Variants in NECAB2 observed in about 807,000 individuals in gnomAD.
NECAB2 encodes the protein N-terminal EF-hand calcium binding protein 2, also known as N-terminal EF-hand calcium-binding protein 2.
NECAB2 carries 68 observed loss-of-function variants against 51.9 expected under a neutral mutation model. That is an observed-to-expected ratio of 1.31 (90% CI 1.08 to 1.60). The LOEUF is 1.60. Among genes scored for constraint, NECAB2 ranks in the 40% most tolerant of loss-of-function variants. The pLI is 0.00. For missense variants in NECAB2, 854 were observed against 490.3 expected, an observed-to-expected ratio of 1.74 and a Z score of -7.00; for synonymous variants, 329 against 203.5, an observed-to-expected ratio of 1.62 and a Z score of -5.25.
intron 5 of NECAB2, among the ~76,000 whole-genome samples, chr16:83,986,076 G>C (rs1162613845): frequency 6.6e-6 from 1 of 152,124 alleles, no homozygotes; most frequent in African/African-American, 2.4e-5. Flanking sequence ...GAGTACAATG[G>C]AGTGATCTCA....
At chr16:83,976,321 C>T (rs1166953341) in intron 2 of NECAB2, among the ~76,000 whole-genome samples, 4 of 152,222 alleles carry the variant, frequency 2.6e-5, no homozygotes, top group African/African-American at 9.6e-5. Context: ...AGCTGTAGGA[C>T]CTAGGCAAGT....
At chr16:83,993,231 C>T (rs1044769773) in intron 6 of NECAB2, among the ~76,000 whole-genome samples, 3 of 152,280 alleles carry the variant, frequency 2.0e-5, no homozygotes, top group Admixed American at 6.5e-5. Flanking sequence ...CCCCACCACC[C>T]GGGAGCCCTG....
chr16:83,999,592 C>G (rs1346046520), intron 10 of NECAB2, among the ~76,000 whole-genome samples: 1 of 152,114 alleles, frequency 6.6e-6, no homozygotes, highest in Admixed American at 6.5e-5. Context: ...CAGCTTTTGG[C>G]CCCCGCTTTA....
At chr16:84,000,396 T>C (rs2084805568) in intron 10 of NECAB2, among the ~76,000 whole-genome samples, 1 of 151,848 alleles carries the variant, frequency 6.6e-6, no homozygotes, top group Non-Finnish European at 1.5e-5. Flanking sequence ...GGCCGAGTGG[T>C]GCACTCCTCT....
In NECAB2 at chr16:83,968,808, G is replaced by C. The variant is rs1236055290; in HGVS notation, c.160G>C (p.Gly54Arg). The stretch of plus-strand genomic sequence containing the variant: ...GGCCCCCGCCGCCCCCGCGGACCCC[G>C]GCCCAGCCTCGCCGCGCGGGGGCAC... ...SLAPAAPADP[G>R]PASPRGGTAV... Residue 54 changes from glycine (G) to arginine (R), a missense_variant, in exon 1 of 13, where the codon GGC becomes CGC. Physicochemically the swap from Gly to Arg is moderately radical, Grantham distance 125. Transcript: ENST00000305202. The C allele has an allele frequency of 2.7e-6, 3 of 1,120,468 alleles. No homozygotes were observed. The highest frequency in any genetic ancestry group is 3.3e-6 in the Non-Finnish European group (3 of 918,048). The allele number at this position is 1,120,468 out of a possible 1,614,324, so 69.4% of individuals were successfully genotyped here.
intron 9 of NECAB2, 97 bp downstream of exon 9, chr16:83,997,366 C>A: frequency 6.7e-7 from 1 of 1,482,622 alleles, no homozygotes. Context: ...CCCGCTCTCC[C>A]TGCTTGGGAC....
At chr16:83,968,925 C>A (rs1277136159) in intron 1 of NECAB2, 76 bp downstream of exon 1, 1 of 937,148 alleles carries the variant, frequency 1.1e-6, no homozygotes, top group Non-Finnish European at 1.3e-6. Flanking sequence ...TCGGGCGGAC[C>A]CCGACGCCGC....
At chr16:83,972,845 G>T (rs1258967076) in intron 2 of NECAB2, among the ~76,000 whole-genome samples, 2 of 152,200 alleles carry the variant, frequency 1.3e-5, no homozygotes, top group Admixed American at 1.3e-4. Context: ...CAGGCCTTGA[G>T]AGAATAAGCA....
At chr16:83,978,637 C>G in intron 3 of NECAB2, 85 bp downstream of exon 3, 5 of 1,181,852 alleles carry the variant, frequency 4.2e-6, no homozygotes, top group Non-Finnish European at 6.2e-6. Flanking sequence ...GTTCCTAGTC[C>G]CCTGTAAGGG....
At chr16:84,001,797 CTG>C (rs2084841811) in intron 11 of NECAB2, 26 bp from the exon 12 acceptor site, 1 of 1,612,780 alleles carries the variant, frequency 6.2e-7, no homozygotes, top group African/African-American at 1.3e-5. Flanking sequence ...CCTGCCACCC[CTG>C]ACTCACACAT....
At chr16:83,984,968 C>A (rs1326426609) in intron 5 of NECAB2, among the ~76,000 whole-genome samples, 2 of 152,050 alleles carry the variant, frequency 1.3e-5, no homozygotes, top group Admixed American at 1.3e-4. Context: ...TGTTCTTTTT[C>A]ATATGTGAAA....
At chr16:83,998,098 G>T in intron 9 of NECAB2, 107 bp from the exon 10 acceptor site, 1 of 945,210 alleles carries the variant, frequency 1.1e-6, no homozygotes. Flanking sequence ...AAGTGGGGGA[G>T]GGTTATTTTA....
intron 10 of NECAB2, among the ~76,000 whole-genome samples, chr16:83,998,751 A>G (rs1228422588): frequency 1.3e-5 from 2 of 152,182 alleles, no homozygotes; most frequent in East Asian, 1.9e-4. Flanking sequence ...CTGAGGAAGG[A>G]GAGGAGAGTC....
chr16:84,000,729 C>G lies in NECAB2; in HGVS notation c.968C>G (p.Thr323Ser), dbSNP rs774648004. The G allele has an allele frequency of 3.7e-6, 6 of 1,613,754 alleles. No homozygotes were observed. The highest frequency in any genetic ancestry group is 3.3e-5 in the Admixed American group (2 of 59,988). ...CCGACCATCTCCTGTTGCAGCATCA[C>G]TGCCGTGAGGCTCTCAGATGGCTTC... ...TTGVRNCFHI[T>S]AVRLSDGFTF... The change falls in exon 11 of 13, where the codon ACT (threonine) becomes AGT (serine). Residue 323 changes from threonine (T) to serine (S), a missense_variant. Coordinates refer to ENST00000305202, the MANE Select transcript of NECAB2 (RefSeq NM_019065.3).
intron 5 of NECAB2, among the ~76,000 whole-genome samples, chr16:83,981,604 C>T (rs1057303656): frequency 3.3e-5 from 5 of 152,118 alleles, no homozygotes; most frequent in African/African-American, 1.2e-4. Context: ...TATCTCACAG[C>T]TATGGAAACA....
chr16:84,000,497 A>G (rs1364964469), intron 10 of NECAB2, among the ~76,000 whole-genome samples: 1 of 152,140 alleles, frequency 6.6e-6, no homozygotes, highest in Admixed American at 6.5e-5. Flanking sequence ...GAAAAACTAC[A>G]CTGCATTGAT....
At chr16:83,998,614 C>T (rs975614101) in intron 10 of NECAB2, among the ~76,000 whole-genome samples, 2 of 152,178 alleles carry the variant, frequency 1.3e-5, no homozygotes, top group Non-Finnish European at 2.9e-5. Flanking sequence ...GTGTGAATCT[C>T]AAGTGTGAAG....
upstream of NECAB2, chr16:83,965,736 G>T: frequency 6.2e-7 from 1 of 1,613,614 alleles, no homozygotes; most frequent in Non-Finnish European, 8.5e-7. Context: ...AAGGTGTTTG[G>T]GGTCTCCCTG....
At chr16:83,974,354 C>G (rs1457746848) in intron 2 of NECAB2, among the ~76,000 whole-genome samples, 2 of 152,298 alleles carry the variant, frequency 1.3e-5, no homozygotes, top group South Asian at 2.1e-4. Context: ...AGAGGGCTGT[C>G]TGAGGATAGA....
Sources: allele counts gnomAD v4.1 joint callset (sites outside exome capture counted in the v4.1 genomes callset), GRCh38; gene constraint gnomAD v4.1.1; transcripts MANE v1.5; gene names NCBI Gene and HGNC (gene_info 2026-07-23, HGNC 2026-07-21).